The following PIWIL2 variants were observed in gnomAD, a reference collection of about 807,000 sequenced individuals.
PIWIL2 encodes the protein piwi like RNA-mediated gene silencing 2.
In PIWIL2, 81 loss-of-function variants were observed where a neutral mutation model predicts 116.5. That is an observed-to-expected ratio of 0.70 (90% CI 0.58 to 0.84). The LOEUF (loss-of-function observed/expected upper bound fraction) is 0.84, where lower values mean the gene tolerates loss of function less well. Ranked by LOEUF, PIWIL2 falls within the 40% of genes least tolerant of loss-of-function variation. The pLI is 0.00. For missense variants in PIWIL2, 1,272 were observed against 1,212.3 expected (o/e 1.05, Z -0.73); for synonymous variants, 489 against 429.5 (o/e 1.14, Z -1.71).
chr8:22,284,387 TAATG>T, intron 6 of PIWIL2, 115 bp downstream of exon 6: 1 of 554,744 alleles, frequency 1.8e-6, no homozygotes, highest in Non-Finnish European at 3.2e-6. Context: ...CTCAATGCAA[TAATG>T]TGTTTACTCA....
chr8:22,346,752 A>C (rs1473073365), intron 20 of PIWIL2, among the ~76,000 whole-genome samples: 2 of 152,194 alleles, frequency 1.3e-5, no homozygotes, highest in Admixed American at 6.5e-5. Context: ...TAATTTACTT[A>C]GAAATAACAA....
chr8:22,282,278 A>G (rs1461751027), intron 4 of PIWIL2, among the ~76,000 whole-genome samples: 4 of 92,164 alleles, frequency 4.3e-5, no homozygotes, highest in African/African-American at 1.7e-4. Flanking sequence ...TTTTGGAGAC[A>G]GTCTCACTCT....
chr8:22,355,125 C>T (rs2132118433), intron 22 of PIWIL2, among the ~76,000 whole-genome samples: 2 of 150,814 alleles, frequency 1.3e-5, no homozygotes, highest in South Asian at 4.2e-4. Context: ...GGAAATGCCT[C>T]AATTGAGAAG....
intron 4 of PIWIL2, among the ~76,000 whole-genome samples, chr8:22,282,490 G>C (rs2131983322): frequency 6.6e-6 from 1 of 152,054 alleles, no homozygotes; most frequent in South Asian, 2.1e-4. Context: ...ACGCAGCCGT[G>C]GTGATTCTTT....
intron 10 of PIWIL2, among the ~76,000 whole-genome samples, chr8:22,293,567 C>G (rs1186855162): frequency 6.6e-6 from 1 of 152,150 alleles, no homozygotes; most frequent in African/African-American, 2.4e-5. Context: ...TCAGGTAATC[C>G]GCCTGCCTCA....
intron 1 of PIWIL2, chr8:22,275,945 A>G (rs1246305640): frequency 6.6e-6 from 1 of 152,332 alleles, no homozygotes. Flanking sequence ...CTGAATCTAT[A>G]GAAGTGGTGC....
intron 3 of PIWIL2, 26 bp from the exon 4 acceptor site, chr8:22,281,351 T>G (rs555351695): frequency 6.2e-7 from 1 of 1,601,176 alleles, no homozygotes; most frequent in Non-Finnish European, 8.5e-7. Flanking sequence ...TCATAGTCAT[T>G]GCTGGGGTTC....
At chr8:22,347,728 T>C (rs1300223403) in intron 20 of PIWIL2, among the ~76,000 whole-genome samples, 3 of 151,340 alleles carry the variant, frequency 2.0e-5, no homozygotes, top group Admixed American at 6.6e-5. Flanking sequence ...GGTTTCACTG[T>C]GTTGGCCAGG....
intron 4 of PIWIL2, among the ~76,000 whole-genome samples, chr8:22,282,716 G>A (rs1348435860): frequency 2.0e-5 from 3 of 151,910 alleles, no homozygotes; most frequent in Admixed American, 1.3e-4. Context: ...TCAGCCACCC[G>A]AGTAGCTGGG....
At chr8:22,296,122 C>G (rs1830900278) in intron 10 of PIWIL2, among the ~76,000 whole-genome samples, 1 of 146,986 alleles carries the variant, frequency 6.8e-6, no homozygotes. Flanking sequence ...GTGGTGCGAT[C>G]TCGGCTCACT....
At chr8:22,352,812 C>A in intron 20 of PIWIL2, 147 bp from the exon 21 acceptor site, 1 of 719,410 alleles carries the variant, frequency 1.4e-6, no homozygotes, top group Non-Finnish European at 2.2e-6. Context: ...AGCTTTTTTT[C>A]CCTGCCCTCT....
intron 14 of PIWIL2, 93 bp downstream of exon 14, chr8:22,308,166 T>C: frequency 9.4e-7 from 1 of 1,068,808 alleles, no homozygotes. Context: ...ATATTTTGAA[T>C]GTTTGTCCAT....
chr8:22,304,007 A>C lies in PIWIL2; in HGVS notation c.1182-14A>C. The C allele has an allele frequency of 2.5e-6, 4 of 1,590,494 alleles. No homozygotes were observed. Among genetic ancestry groups the C allele is most frequent in the Non-Finnish European group, 2.6e-6 (3 of 1,163,194 alleles). On this transcript the variant is annotated splice_polypyrimidine_tract_variant and intron_variant, in intron 10 of 22. Transcript: ENST00000356766. Reference sequence around the variant, plus strand: ...ATATACTGTGATCCAAAAGTCTTTTATCTCTTTCCAAAGGCATGCCATTTA... The same window carrying C: ...ATATACTGTGATCCAAAAGTCTTTTCTCTCTTTCCAAAGGCATGCCATTTA...
chr8:22,309,887 A>G, intron 14 of PIWIL2, 74 bp from the exon 15 acceptor site: 1 of 838,766 alleles, frequency 1.2e-6, no homozygotes, highest in Non-Finnish European at 2.0e-6. Flanking sequence ...AGCAGGCCTT[A>G]TAGAGCAGTA....
At chr8:22,308,121 T>C in intron 14 of PIWIL2, 48 bp downstream of exon 14, 1 of 1,474,752 alleles carries the variant, frequency 6.8e-7, no homozygotes, top group Non-Finnish European at 9.3e-7. Context: ...GAGACACGTG[T>C]GCAATATTTA....
At chr8:22,353,265 C>T (rs1052116193) in intron 21 of PIWIL2, 53 bp downstream of exon 21, 188 of 1,512,926 alleles carry the variant, frequency 1.2e-4, no homozygotes, top group Non-Finnish European at 1.7e-4. Context: ...GAGATGTTGT[C>T]ACTTTCCTGA....
At chr8:22,307,076 A>G (rs1213188805) in intron 13 of PIWIL2, among the ~76,000 whole-genome samples, 1 of 152,260 alleles carries the variant, frequency 6.6e-6, no homozygotes, top group East Asian at 1.9e-4. Flanking sequence ...TCAAATGACT[A>G]GTATGCTATG....
At chr8:22,335,507 A>C (rs183070492) in intron 20 of PIWIL2, among the ~76,000 whole-genome samples, 1 of 152,018 alleles carries the variant, frequency 6.6e-6, no homozygotes. Flanking sequence ...TAACCAAAAG[A>C]AATGAAATAG....
At chr8:22,323,557 A>G (rs928680848) in intron 20 of PIWIL2, among the ~76,000 whole-genome samples, 1 of 152,162 alleles carries the variant, frequency 6.6e-6, no homozygotes, top group Non-Finnish European at 1.5e-5. Flanking sequence ...TCAGTGTTAC[A>G]TCTTGGAGTG....
Sources: gnomAD v4.1 joint callset for allele counts (sites outside exome capture counted in the v4.1 genomes callset) on GRCh38, gnomAD v4.1.1 for gene constraint, MANE v1.5 for transcripts, NCBI Gene and HGNC (gene_info 2026-07-23, HGNC 2026-07-21) for gene names.